Variants in RNF111 observed in about 807,000 individuals in gnomAD.
RNF111 encodes the protein ring finger protein 111.
A neutral mutation model predicts 95.1 loss-of-function variants in RNF111; 17 were observed. The ratio of observed to expected loss-of-function variants is 0.18; its 90% CI spans 0.12 to 0.27. RNF111 has a LOEUF of 0.27. Among genes scored for constraint, RNF111 ranks in the 10% least tolerant of loss-of-function variants. The pLI, the probability that RNF111 is intolerant of heterozygous loss-of-function variation, is 1.00. For missense variants in RNF111, 1,189 were observed against 1,210.4 expected, an observed-to-expected ratio of 0.98 and a Z score of 0.26; for synonymous variants, 440 against 414.8, an observed-to-expected ratio of 1.06 and a Z score of -0.74.
chr15:59,061,431 C>T (rs1378278022), intron 5 of RNF111, among the ~76,000 whole-genome samples: 1 of 152,196 alleles, frequency 6.6e-6, no homozygotes, highest in Non-Finnish European at 1.5e-5. Flanking sequence ...TGTAGGAAAT[C>T]ACCATTGTCT....
chr15:59,067,657 A>T (rs2042726078), intron 6 of RNF111, among the ~76,000 whole-genome samples: 1 of 152,228 alleles, frequency 6.6e-6, no homozygotes, highest in Non-Finnish European at 1.5e-5. Context: ...ACTTAATCTA[A>T]AAATCACTTT....
intron 1 of RNF111, among the ~76,000 whole-genome samples, chr15:58,998,107 G>A (rs550905216): frequency 6.6e-5 from 10 of 152,030 alleles, no homozygotes; most frequent in Admixed American, 1.3e-4. Context: ...GTTTCACTAT[G>A]TTGGTGAGGC....
intron 1 of RNF111, among the ~76,000 whole-genome samples, chr15:59,005,551 A>G (rs1360834941): frequency 1.3e-5 from 2 of 152,046 alleles, no homozygotes; most frequent in African/African-American, 2.4e-5. Context: ...TGTTACTCCA[A>G]CCTTTGCTTT....
intron 12 of RNF111, 157 bp from the exon 13 acceptor site, chr15:59,092,380 A>T: frequency 3.3e-6 from 2 of 598,520 alleles, no homozygotes; most frequent in Non-Finnish European, 5.2e-6. Context: ...ATAGTCACTT[A>T]ATTCATCCAT....
chr15:59,075,875 A>C (rs1422412830), intron 6 of RNF111, 79 bp from the exon 7 acceptor site: 1 of 1,454,460 alleles, frequency 6.9e-7, no homozygotes, highest in African/African-American at 1.4e-5. Context: ...TTTTGGTTAT[A>C]TTAGGAATAC....
At chr15:59,087,157 A>G (rs945654686) in intron 10 of RNF111, among the ~76,000 whole-genome samples, 4 of 152,214 alleles carry the variant, frequency 2.6e-5, no homozygotes, top group Non-Finnish European at 5.9e-5. Flanking sequence ...GGTTAAAGAT[A>G]TGTTTTGATC....
intron 5 of RNF111, among the ~76,000 whole-genome samples, chr15:59,066,229 A>T (rs1171094306): frequency 6.6e-6 from 1 of 152,230 alleles, no homozygotes; most frequent in African/African-American, 2.4e-5. Context: ...ACATCACAGT[A>T]AATATGAGCC....
At position 59,058,495 on chromosome 15, in the gene RNF111, G is replaced by A. The variant is rs751767716; in HGVS notation, c.1311G>A (p.Val437=). 4 of 1,614,052 alleles carry A rather than the reference G, an allele frequency of 2.5e-6. No homozygotes were observed. Among genetic ancestry groups the A allele is most frequent in the South Asian group, 2.2e-5 (2 of 91,080 alleles). The change falls in exon 5 of 14, where the codon GTG becomes GTA. Residue 437 remains valine, a synonymous_variant. Transcript: ENST00000348370. ...TCACCAGTAGCCAACCTTCCACAGT[G>A]TCAGAGACTTCAGCTACTCTTACAA... ...SAVTSSQPST[V]SETSATLTSN...
intron 5 of RNF111, among the ~76,000 whole-genome samples, chr15:59,059,681 T>G (rs2042352106): frequency 6.8e-6 from 1 of 146,406 alleles, no homozygotes; most frequent in Non-Finnish European, 1.5e-5. Context: ...TTAGCTCTTA[T>G]CTCAAGCTAG....
chr15:59,061,210 T>C (rs758233228), intron 5 of RNF111, among the ~76,000 whole-genome samples: 6 of 152,226 alleles, frequency 3.9e-5, no homozygotes, highest in Non-Finnish European at 7.3e-5. Context: ...TCAGATTTAA[T>C]TTCTGAGCAT....
At chr15:59,093,435 TC>T (rs1444813396) in intron 13 of RNF111, 30 of 434,218 alleles carry the variant, frequency 6.9e-5, no homozygotes, top group African/African-American at 4.7e-4. Context: ...AACCTCCACC[TC>T]CTGGGCTGAA....
At chr15:59,086,701 A>C (rs1334011626) in intron 10 of RNF111, among the ~76,000 whole-genome samples, 1 of 152,210 alleles carries the variant, frequency 6.6e-6, no homozygotes, top group Non-Finnish European at 1.5e-5. Context: ...GCATGTAAAG[A>C]TGTAGCAAAT....
intron 7 of RNF111, among the ~76,000 whole-genome samples, chr15:59,079,667 T>C (rs1173228812): frequency 5.3e-5 from 8 of 152,100 alleles, no homozygotes; most frequent in Non-Finnish European, 1.2e-4. Flanking sequence ...TTTTTTTTTT[T>C]TTTACATGTC....
chr15:59,001,288 T>C (rs2039313387), intron 1 of RNF111, among the ~76,000 whole-genome samples: 1 of 152,208 alleles, frequency 6.6e-6, no homozygotes, highest in Non-Finnish European at 1.5e-5. Context: ...TCTTCAGTTA[T>C]ATGAAATATT....
At chr15:59,060,234 T>C (rs1210603186) in intron 5 of RNF111, among the ~76,000 whole-genome samples, 2 of 152,102 alleles carry the variant, frequency 1.3e-5, no homozygotes, top group Non-Finnish European at 2.9e-5. Flanking sequence ...TTTTATTTCA[T>C]TTGTTGAGTA....
intron 11 of RNF111, among the ~76,000 whole-genome samples, chr15:59,090,215 TG>T: frequency 1.3e-5 from 2 of 151,916 alleles, no homozygotes; most frequent in African/African-American, 4.8e-5. Flanking sequence ...TTTTTTTGTT[TG>T]TTTGTTTGTT....
chr15:59,031,023 G>T lies in RNF111; in HGVS notation c.201G>T (p.Leu67=). Residue 67 remains leucine, a synonymous_variant, in exon 2 of 14, where the codon CTG becomes CTT. Transcript: ENST00000348370. ...AAGTGGGGAATGAATTCTCTCACCTGTGTGATGATTCTCAAAAGCAAGAGA... is the reference window on the plus strand; with the variant it reads ...AAGTGGGGAATGAATTCTCTCACCTTTGTGATGATTCTCAAAAGCAAGAGA... ...NSKVGNEFSH[L]CDDSQKQEKE... The T allele has an allele frequency of 3.1e-6, 5 of 1,614,218 alleles. No individual in the cohort carries two copies. Among genetic ancestry groups the T allele is most frequent in the Non-Finnish European group, 4.2e-6 (5 of 1,180,044 alleles).
intron 5 of RNF111, among the ~76,000 whole-genome samples, chr15:59,065,301 C>T (rs1218005817): frequency 1.3e-5 from 2 of 152,056 alleles, no homozygotes; most frequent in African/African-American, 4.8e-5. Flanking sequence ...TTTGAGGAAG[C>T]GTTTCTAGGT....
At chr15:59,069,862 G>A (rs1219612539) in intron 6 of RNF111, among the ~76,000 whole-genome samples, 1 of 151,882 alleles carries the variant, frequency 6.6e-6, no homozygotes, top group African/African-American at 2.4e-5. Context: ...GATATCTTAT[G>A]TTTGAGTGCC....
Sources: gnomAD v4.1 joint callset for allele counts (sites outside exome capture counted in the v4.1 genomes callset) on GRCh38, gnomAD v4.1.1 for gene constraint, MANE v1.5 for transcripts, NCBI Gene and HGNC (gene_info 2026-07-23, HGNC 2026-07-21) for gene names.